COL23A1: variants seen among roughly 807,000 people sequenced by gnomAD.
The protein encoded by COL23A1 is collagen type XXIII alpha 1 chain.
In COL23A1, 97 loss-of-function variants were observed where a neutral mutation model predicts 99.3. That is an observed-to-expected ratio of 0.98 (90% CI 0.83 to 1.16). COL23A1 has a LOEUF of 1.16. COL23A1 is among the 50% of genes most tolerant of loss of function. The pLI, the probability that COL23A1 is intolerant of heterozygous loss-of-function variation, is 0.00. For synonymous variants in COL23A1, 320 were observed against 308.2 expected (o/e 1.04, Z -0.40); for missense variants, 762 against 757.4 (o/e 1.01, Z -0.07).
chr5:178,358,577 A>G (rs544581826), intron 2 of COL23A1, among the ~76,000 whole-genome samples: 11 of 126,930 alleles, frequency 8.7e-5, no homozygotes, highest in East Asian at 2.4e-4. Context: ...TCTAATGTGT[A>G]TGTGTATGTG....
chr5:178,481,390 T>C (rs949199294), intron 2 of COL23A1, among the ~76,000 whole-genome samples: 2 of 152,002 alleles, frequency 1.3e-5, no homozygotes, highest in Non-Finnish European at 2.9e-5. Context: ...TCATCAAAAT[T>C]AAAAACTTTT....
At chr5:178,519,301 T>TG (rs930979873) in intron 2 of COL23A1, among the ~76,000 whole-genome samples, 2 of 152,246 alleles carry the variant, frequency 1.3e-5, no homozygotes, top group Admixed American at 1.3e-4. Context: ...GCCAGTGCCC[T>TG]GTCTACCTTC....
intron 2 of COL23A1, among the ~76,000 whole-genome samples, chr5:178,474,077 T>A (rs1445698801): frequency 1.3e-5 from 2 of 152,156 alleles, no homozygotes; most frequent in African/African-American, 4.8e-5. Context: ...AACACGGAGT[T>A]ACTCTGAAAC....
intron 1 of COL23A1, chr5:178,562,876 C>A (rs1188447214): frequency 6.6e-6 from 1 of 152,260 alleles, no homozygotes; most frequent in Non-Finnish European, 1.5e-5. Context: ...CTACAGAGCG[C>A]TGTTTGGTGC....
intron 12 of COL23A1, among the ~76,000 whole-genome samples, chr5:178,259,334 C>T (rs1581470661): frequency 6.6e-6 from 1 of 152,122 alleles, no homozygotes; most frequent in Admixed American, 6.5e-5. Flanking sequence ...GAGCTCACAT[C>T]AGTGGCACCA....
Position 178,415,713 on chromosome 5 carries a change from C to A in COL23A1, c.362-108794G>T, listed in dbSNP as rs905030451. Among the ~76,000 whole-genome samples, 1 of 152,182 alleles carries A rather than the reference C, an allele frequency of 6.6e-6. No individual in the cohort carries two copies. Among genetic ancestry groups the A allele is most frequent in the African/African-American group, 2.4e-5 (1 of 41,462 alleles). On this transcript the variant is annotated intron_variant, in intron 2 of 28. Coordinates refer to ENST00000390654, the MANE Select transcript of COL23A1 (RefSeq NM_173465.4). The surrounding 1 kb of genome is among the most constrained non-coding windows in gnomAD (Gnocchi z 4.6). ...TCCCACGCCACATCTGTGCCCGAGC[C>A]CTGCTGCACAAGGGGATGCAGAAGA... is the stretch of plus-strand genomic sequence containing the variant.
chr5:178,262,374 A>C, intron 9 of COL23A1, 122 bp from the exon 10 acceptor site: 1 of 892,834 alleles, frequency 1.1e-6, no homozygotes. Flanking sequence ...TTCTCGCCAA[A>C]CCTGAAGAGC....
intron 1 of COL23A1, among the ~76,000 whole-genome samples, chr5:178,577,220 C>T (rs1470735852): frequency 1.3e-5 from 2 of 152,216 alleles, no homozygotes; most frequent in Admixed American, 1.3e-4. Flanking sequence ...TTCATTCCCG[C>T]GTCCTGGCGG....
intron 2 of COL23A1, among the ~76,000 whole-genome samples, chr5:178,534,972 C>CTTTTTT (rs35460582): frequency 1.5e-5 from 2 of 130,090 alleles, no homozygotes; most frequent in Non-Finnish European, 3.2e-5. Context: ...TTTCCTTTTT[C>CTTTTTT]TTTTTTTTTT....
chr5:178,587,421 G>T (rs541170270), intron 1 of COL23A1, among the ~76,000 whole-genome samples: 1 of 152,172 alleles, frequency 6.6e-6, no homozygotes, highest in Non-Finnish European at 1.5e-5. Flanking sequence ...GGAACAAAGA[G>T]AGTGGGTCCC....
At chr5:178,583,760 G>A (rs1158725345) in intron 1 of COL23A1, among the ~76,000 whole-genome samples, 3 of 152,186 alleles carry the variant, frequency 2.0e-5, no homozygotes, top group African/African-American at 4.8e-5. Context: ...GAAATATGGA[G>A]CCAAGAGGAA....
At chr5:178,531,632 G>A (rs183667995) in intron 2 of COL23A1, among the ~76,000 whole-genome samples, 3 of 152,286 alleles carry the variant, frequency 2.0e-5, no homozygotes, top group South Asian at 2.1e-4. Flanking sequence ...CAAGCCCAAC[G>A]GATAGGATGG....
At chr5:178,257,495 G>C in intron 13 of COL23A1, 28 bp downstream of exon 13, 1 of 1,562,846 alleles carries the variant, frequency 6.4e-7, no homozygotes, top group South Asian at 1.2e-5. Context: ...GGGGGCAGGG[G>C]GCCACGAGAG....
chr5:178,532,876 G>C (rs752618895), intron 2 of COL23A1, among the ~76,000 whole-genome samples: 2 of 152,214 alleles, frequency 1.3e-5, no homozygotes, highest in Non-Finnish European at 2.9e-5. Flanking sequence ...AAGCCAGGAA[G>C]AGAGGCCTCG....
At chr5:178,498,245 T>TAC (rs1758324211) in intron 2 of COL23A1, among the ~76,000 whole-genome samples, 1 of 61,290 alleles carries the variant, frequency 1.6e-5, no homozygotes, top group Middle Eastern at 7.6e-3. Flanking sequence ...TATATATATA[T>TAC]ATATATATAT....
intron 5 of COL23A1, among the ~76,000 whole-genome samples, chr5:178,276,076 T>C (rs1581507257): frequency 6.6e-6 from 1 of 150,976 alleles, no homozygotes; most frequent in Non-Finnish European, 1.5e-5. Context: ...AGAGGGGAGG[T>C]TTCCTGGTGA....
rs1306053351 is a variant in COL23A1, at chr5:178,286,847, CTGGGT to C, written c.441+1472_441+1476del. ...GGCTGGTGGGGAACGGACCGGACCG[CTGGGT>C]CACTTTGCTCAGAGGAAACAATGGA... is the stretch of plus-strand genomic sequence containing the variant. On this transcript the variant is annotated intron_variant, in intron 5 of 28. Coordinates refer to ENST00000390654, the MANE Select transcript of COL23A1 (RefSeq NM_173465.4). Among the ~76,000 whole-genome samples, 8 of 152,184 alleles carry C rather than the reference CTGGGT, an allele frequency of 5.3e-5. 1 individual carries two copies. Among genetic ancestry groups the C allele is most frequent in the African/African-American group, 1.4e-4 (6 of 41,434 alleles).
intron 2 of COL23A1, among the ~76,000 whole-genome samples, chr5:178,551,926 C>T (rs1258962134): frequency 1.3e-5 from 2 of 152,170 alleles, no homozygotes; most frequent in Non-Finnish European, 2.9e-5. Flanking sequence ...CCTCCCACTG[C>T]CACCTTCCAA....
intron 2 of COL23A1, among the ~76,000 whole-genome samples, chr5:178,358,030 G>A (rs1395759292): frequency 3.5e-5 from 5 of 143,702 alleles, no homozygotes; most frequent in African/African-American, 5.1e-5. Flanking sequence ...GTGTGTATGC[G>A]TATGTGTATG....
Sources: gnomAD v4.1 joint callset for allele counts (sites outside exome capture counted in the v4.1 genomes callset) on GRCh38, gnomAD v4.1.1 for gene constraint, Gnocchi (gnomAD v3.1) non-coding constraint, MANE v1.5 for transcripts, NCBI Gene and HGNC (gene_info 2026-07-23, HGNC 2026-07-21) for gene names.